DCPH1: variants seen among roughly 807,000 people sequenced by gnomAD.
DCPH1 encodes damage-control phosphatase 1.
chr6:151,465,624 T>C, the DCPH1 span, among the ~76,000 whole-genome samples: 2 of 152,164 alleles, frequency 1.3e-5, no homozygotes, highest in Non-Finnish European at 2.9e-5. Context: ...TCAGAGGGTT[T>C]TGAACAGAGA....
At chr6:151,464,430 A>T in the DCPH1 span, 1 of 1,570,532 alleles carries the variant, frequency 6.4e-7, no homozygotes, top group South Asian at 1.2e-5. Flanking sequence ...AAAATGTTTC[A>T]CTTTGTTTTT....
At chr6:151,468,814 G>T in the DCPH1 span, 2 of 1,614,204 alleles carry the variant, frequency 1.2e-6, no homozygotes, top group South Asian at 2.2e-5. Flanking sequence ...TGAGTACTGT[G>T]CAATGCCTCA....
the DCPH1 span, among the ~76,000 whole-genome samples, chr6:151,457,968 G>A: frequency 6.6e-6 from 1 of 152,156 alleles, no homozygotes; most frequent in Non-Finnish European, 1.5e-5. Context: ...GCTACCAAAA[G>A]AAACCTCAGA....
chr6:151,464,565 A>C, the DCPH1 span: 1 of 1,611,572 alleles, frequency 6.2e-7, no homozygotes, highest in Non-Finnish European at 8.5e-7. Flanking sequence ...GATAAGAACT[A>C]TTGAAGACCT....
chr6:151,454,397 T>C, the DCPH1 span: 1 of 503,616 alleles, frequency 2.0e-6, no homozygotes. Context: ...GGTTTTCTTA[T>C]GTCTTAATAT....
chr6:151,467,984 ACT>A, the DCPH1 span, among the ~76,000 whole-genome samples: 1 of 152,148 alleles, frequency 6.6e-6, no homozygotes, highest in African/African-American at 2.4e-5. Context: ...TCTTCTCTTG[ACT>A]CTGGATTATA....
chr6:151,454,139 A>T, the DCPH1 span, among the ~76,000 whole-genome samples: 2 of 152,252 alleles, frequency 1.3e-5, no homozygotes, highest in Non-Finnish European at 2.9e-5. Flanking sequence ...AGGTGGTTTT[A>T]GATGCATTGC....
the DCPH1 span, among the ~76,000 whole-genome samples, chr6:151,460,969 C>G: frequency 6.6e-6 from 1 of 152,090 alleles, no homozygotes; most frequent in Non-Finnish European, 1.5e-5. Context: ...TGATTGGGCT[C>G]AGAGAGATTT....
At chr6:151,469,420 A>C in the DCPH1 span, 2 of 232,264 alleles carry the variant, frequency 8.6e-6, no homozygotes. Flanking sequence ...TTGGCTAGGG[A>C]GCAAAAAATA....
the DCPH1 span, chr6:151,452,644 T>C: frequency 1.6e-5 from 25 of 1,549,268 alleles, no homozygotes; most frequent in African/African-American, 2.8e-5. Context: ...GCCGGGAGCC[T>C]GTGGGGACTA....
the DCPH1 span, among the ~76,000 whole-genome samples, chr6:151,465,540 A>T: frequency 1.3e-5 from 2 of 152,152 alleles, no homozygotes; most frequent in African/African-American, 4.8e-5. Flanking sequence ...GTAGTTACTG[A>T]GAGGTAGCGG....
chr6:151,459,155 A>G, the DCPH1 span, among the ~76,000 whole-genome samples: 27 of 152,306 alleles, frequency 1.8e-4, no homozygotes, highest in Admixed American at 9.8e-4. Context: ...AGATAAATAA[A>G]GCGTGAATTA....
At chr6:151,456,063 A>G in the DCPH1 span, among the ~76,000 whole-genome samples, 1 of 152,224 alleles carries the variant, frequency 6.6e-6, no homozygotes, top group Non-Finnish European at 1.5e-5. Context: ...GGGTAAGGTT[A>G]TAGATTAACA....
the DCPH1 span, among the ~76,000 whole-genome samples, chr6:151,459,938 A>G: frequency 6.6e-6 from 1 of 152,218 alleles, no homozygotes; most frequent in Non-Finnish European, 1.5e-5. Context: ...GCATAGGACA[A>G]TTTAAAGTGA....
the DCPH1 span, chr6:151,458,515 C>T: frequency 5.0e-6 from 8 of 1,611,312 alleles, no homozygotes; most frequent in African/African-American, 6.7e-5. Context: ...TTCTACTCAC[C>T]GTGGTTGTTG....
the DCPH1 span, among the ~76,000 whole-genome samples, chr6:151,460,065 G>C: frequency 6.6e-6 from 1 of 151,912 alleles, no homozygotes; most frequent in African/African-American, 2.4e-5. Flanking sequence ...ATATTTTGTT[G>C]TTGTTGTTGT....
the DCPH1 span, among the ~76,000 whole-genome samples, chr6:151,457,479 G>A: frequency 1.3e-5 from 2 of 152,162 alleles, no homozygotes; most frequent in South Asian, 2.1e-4. Flanking sequence ...GAAGAGATTT[G>A]GAGGAGGGGG....
chr6:151,455,742 C>T, the DCPH1 span, among the ~76,000 whole-genome samples: 1 of 152,206 alleles, frequency 6.6e-6, no homozygotes, highest in Non-Finnish European at 1.5e-5. Flanking sequence ...ACTAATCCTC[C>T]TCAGCACAGA....
At chr6:151,468,226 A>G in the DCPH1 span, 2 of 651,446 alleles carry the variant, frequency 3.1e-6, no homozygotes, top group Admixed American at 2.9e-5. Flanking sequence ...ATGGTCATGT[A>G]AAGAGTTTTG....
Sources: allele counts gnomAD v4.1 joint callset (sites outside exome capture counted in the v4.1 genomes callset), GRCh38; gene constraint gnomAD v4.1.1; transcripts MANE v1.5; gene names NCBI Gene and HGNC (gene_info 2026-07-23, HGNC 2026-07-21).